The following MIB1 variants were observed in gnomAD, a reference collection of about 807,000 sequenced individuals.
MIB1 encodes MIB E3 ubiquitin protein ligase 1.
A neutral mutation model predicts 124.5 loss-of-function variants in MIB1; 278 were observed. That is an observed-to-expected ratio of 2.23 (90% CI 2.02 to 2.47). MIB1 has a LOEUF of 2.47. Among genes scored for constraint, MIB1 ranks in the 30% most tolerant of loss-of-function variants. The pLI is 0.00. For missense variants in MIB1, 957 were observed against 1,254.4 expected, an observed-to-expected ratio of 0.76 and a Z score of 3.58; for synonymous variants, 446 against 429.4, an observed-to-expected ratio of 1.04 and a Z score of -0.48.
At position 21,740,897 on chromosome 18, in the gene MIB1, C is replaced by T. The variant is rs1598585709; in HGVS notation, c.-687C>T. Among the ~76,000 whole-genome samples, 1 of 152,264 alleles carries T rather than the reference C, an allele frequency of 6.6e-6. No homozygotes were observed. Among genetic ancestry groups the T allele is most frequent in the South Asian group, 2.1e-4 (1 of 4,834 alleles). The stretch of plus-strand genomic sequence containing the variant: ...CACTCTATTATTGCCGAGGATCCCC[C>T]TCCTAGACACTCTGAGAAGGTGCCG... On this transcript the variant is annotated 5_prime_UTR_variant, in exon 1 of 21. Coordinates refer to ENST00000261537, the MANE Select transcript of MIB1 (RefSeq NM_020774.4).
intron 2 of MIB1, among the ~76,000 whole-genome samples, chr18:21,767,926 C>A (rs1256615011): frequency 1.3e-5 from 2 of 152,134 alleles, no homozygotes; most frequent in Non-Finnish European, 2.9e-5. Context: ...CTGCTCCCCC[C>A]ACTGCCCCCG....
chr18:21,863,019 G>A (rs1168510838), intron 20 of MIB1, among the ~76,000 whole-genome samples: 2 of 152,168 alleles, frequency 1.3e-5, no homozygotes, highest in Non-Finnish European at 2.9e-5. Flanking sequence ...TTGCTCTGTC[G>A]CCCAGGCTGG....
chr18:21,758,516 T>A (rs1393687323), intron 1 of MIB1, among the ~76,000 whole-genome samples: 2 of 152,116 alleles, frequency 1.3e-5, no homozygotes, highest in African/African-American at 4.8e-5. Context: ...AGTAGTTACA[T>A]TTAAATAAAG....
At chr18:21,844,020 A>T in intron 14 of MIB1, 72 bp from the exon 15 acceptor site, 4 of 1,472,708 alleles carry the variant, frequency 2.7e-6, no homozygotes, top group Non-Finnish European at 3.8e-6. Flanking sequence ...TGTTCTCACC[A>T]TTACTTTAGA....
intron 6 of MIB1, among the ~76,000 whole-genome samples, chr18:21,786,375 G>A (rs1375042359): frequency 1.3e-5 from 2 of 152,226 alleles, no homozygotes; most frequent in Non-Finnish European, 2.9e-5. Context: ...GGGATTACAG[G>A]CGTGAGCCGC....
intron 13 of MIB1, among the ~76,000 whole-genome samples, chr18:21,840,214 G>A (rs1405962733): frequency 3.3e-5 from 5 of 151,624 alleles, no homozygotes; most frequent in South Asian, 2.1e-4. Context: ...TTTCTATATA[G>A]CAATCATACA....
chr18:21,747,017 G>A (rs931622339), intron 1 of MIB1, among the ~76,000 whole-genome samples: 3 of 152,120 alleles, frequency 2.0e-5, no homozygotes, highest in African/African-American at 7.2e-5. Flanking sequence ...GTAGAAAGGG[G>A]TATTTGTCAG....
chr18:21,848,761 C>T (rs1263082703), intron 16 of MIB1, among the ~76,000 whole-genome samples: 1 of 152,188 alleles, frequency 6.6e-6, no homozygotes. Flanking sequence ...AGTGCCCTAT[C>T]TGTTGTGGAC....
chr18:21,725,830 C>G (rs568163202), intron 1 of MIB1, among the ~76,000 whole-genome samples: 1 of 152,130 alleles, frequency 6.6e-6, no homozygotes, highest in African/African-American at 2.4e-5. Flanking sequence ...CAGGTTCTAA[C>G]TGCAATGATT....
chr18:21,738,759 A>G (rs1430178428), upstream of MIB1, among the ~76,000 whole-genome samples: 3 of 129,742 alleles, frequency 2.3e-5, no homozygotes, highest in African/African-American at 8.8e-5. Context: ...GTGAGCTGAG[A>G]TCACACCACT....
Position 21,868,146 on chromosome 18 carries a change from T to G in MIB1, c.*3480T>G, listed in dbSNP as rs959470459. 5 of 152,040 alleles carry G rather than the reference T, an allele frequency of 3.3e-5. No homozygotes were observed. Among genetic ancestry groups the G allele is most frequent in the African/African-American group, 1.2e-4 (5 of 41,444 alleles). The allele number at this position is 152,040 out of a possible 1,614,324, so 9.4% of individuals were successfully genotyped here. The stretch of plus-strand genomic sequence containing the variant: ...GTGATGAAAAACTCATAACATAAAA[T>G]TTACCATATTAACTGTTTCTAAAGA... On this transcript the variant is annotated 3_prime_UTR_variant, in exon 21 of 21. Transcript: ENST00000261537.
intron 6 of MIB1, among the ~76,000 whole-genome samples, chr18:21,784,465 G>A (rs1439537451): frequency 1.3e-5 from 2 of 152,144 alleles, no homozygotes; most frequent in Non-Finnish European, 2.9e-5. Context: ...GCAAGAGACC[G>A]AGGGCACAAG....
rs988831049 is a variant in MIB1 at position 21,864,582 on chromosome 18, C to T, written c.2937C>T (p.His979=). Residue 979 remains histidine (H), a synonymous_variant, in exon 21 of 21, where the codon CAC becomes CAT. Coordinates refer to ENST00000261537, the MANE Select transcript of MIB1 (RefSeq NM_020774.4). ...AGAATATGATTTTCCTTTGTGGTCA[C>T]GGAACCTGTCAACTCTGTGGAGACC... is the stretch of plus-strand genomic sequence containing the variant. ...RLKNMIFLCG[H]GTCQLCGDRM... 8 of 1,613,394 alleles carry T rather than the reference C, an allele frequency of 5.0e-6. No homozygotes were observed. The highest frequency in any genetic ancestry group is 4.0e-5 in the African/African-American group (3 of 74,910).
At chr18:21,783,550 A>G (rs764439837) in intron 6 of MIB1, among the ~76,000 whole-genome samples, 50 of 151,684 alleles carry the variant, frequency 3.3e-4, no homozygotes, top group Non-Finnish European at 4.4e-4. Context: ...GCCTCACTCT[A>G]TGTCTTCTAG....
At chr18:21,795,444 T>C (rs1055883222) in intron 7 of MIB1, among the ~76,000 whole-genome samples, 15 of 147,968 alleles carry the variant, frequency 1.0e-4, no homozygotes, top group African/African-American at 3.7e-4. Context: ...CAATACAAAC[T>C]ATATTAAAGC....
intron 1 of MIB1, among the ~76,000 whole-genome samples, chr18:21,708,633 GGC>G (rs1364014960): frequency 6.6e-6 from 1 of 152,056 alleles, no homozygotes; most frequent in East Asian, 1.9e-4. Flanking sequence ...CTCCAGCCTG[GGC>G]GACAGAGGGA....
intron 10 of MIB1, among the ~76,000 whole-genome samples, chr18:21,808,723 G>C (rs954167132): frequency 2.6e-5 from 4 of 152,226 alleles, no homozygotes; most frequent in Admixed American, 1.3e-4. Flanking sequence ...AGGCATCAAG[G>C]ACTATGATAT....
chr18:21,781,171 C>T (rs560568038), intron 6 of MIB1, among the ~76,000 whole-genome samples: 8 of 151,528 alleles, frequency 5.3e-5, no homozygotes, highest in African/African-American at 1.7e-4. Flanking sequence ...CCCACTTTGA[C>T]CTCCCAAAGT....
At chr18:21,761,914 G>T (rs1650164253) in intron 1 of MIB1, among the ~76,000 whole-genome samples, 1 of 145,474 alleles carries the variant, frequency 6.9e-6, no homozygotes. Context: ...AGCACACATA[G>T]AAAATGTGTA....
Sources: gnomAD v4.1 joint callset for allele counts (sites outside exome capture counted in the v4.1 genomes callset) on GRCh38, gnomAD v4.1.1 for gene constraint, MANE v1.5 for transcripts, NCBI Gene and HGNC (gene_info 2026-07-23, HGNC 2026-07-21) for gene names.